The following COL26A1 variants were observed in gnomAD, a reference collection of about 807,000 sequenced individuals.
COL26A1 encodes collagen type XXVI alpha 1 chain, also known as collagen alpha-1(XXVI) chain.
In COL26A1, 41 loss-of-function variants were observed where a neutral mutation model predicts 59.3. The observed-to-expected ratio is 0.69, with a 90% CI of 0.54 to 0.90. The LOEUF is 0.90. COL26A1 is among the 40% of genes least tolerant of loss of function. COL26A1 has a pLI of 0.00. For synonymous variants in COL26A1, 266 were observed against 256.0 expected, an observed-to-expected ratio of 1.04 and a Z score of -0.37; for missense variants, 612 against 602.3, an observed-to-expected ratio of 1.02 and a Z score of -0.17.
intron 10 of COL26A1, 110 bp from the exon 11 acceptor site, chr7:101,553,216 C>T (rs1795896760): frequency 1.0e-6 from 1 of 987,362 alleles, no homozygotes. Context: ...TTCCCAGGCC[C>T]TGCCTGCCCA....
At chr7:101,525,992 T>C (rs1795239486) in intron 3 of COL26A1, among the ~76,000 whole-genome samples, 4 of 152,186 alleles carry the variant, frequency 2.6e-5, no homozygotes, top group Admixed American at 2.6e-4. Flanking sequence ...GCCCTCCTAT[T>C]GGCCATGGTA....
At chr7:101,531,049 C>G (rs1795357637) in intron 3 of COL26A1, among the ~76,000 whole-genome samples, 1 of 151,938 alleles carries the variant, frequency 6.6e-6, no homozygotes, top group Non-Finnish European at 1.5e-5. Flanking sequence ...CGGCTCACTG[C>G]AAGCTCTGCC....
At chr7:101,450,748 ATATGAATATGAATTCCATAGTC>A (rs1166666550) in intron 3 of COL26A1, among the ~76,000 whole-genome samples, 6 of 100,632 alleles carry the variant, frequency 6.0e-5, no homozygotes, top group African/African-American at 4.0e-4. Context: ...TCCATATTCT[ATATGAATATGAATTCCATAGTC>A]TATATGAATA....
At chr7:101,367,983 C>T (rs1284561464) in intron 1 of COL26A1, among the ~76,000 whole-genome samples, 1 of 96,816 alleles carries the variant, frequency 1.0e-5, no homozygotes, top group Admixed American at 8.5e-5. Context: ...AAGTCTCCTC[C>T]ACTGTCTCCC....
chr7:101,368,810 C>T (rs1429141468), intron 1 of COL26A1, among the ~76,000 whole-genome samples: 2 of 151,696 alleles, frequency 1.3e-5, no homozygotes, highest in Non-Finnish European at 2.9e-5. Flanking sequence ...CAAAGTAGTA[C>T]TATAATTTTG....
chr7:101,381,191 T>C (rs935671345), intron 1 of COL26A1, among the ~76,000 whole-genome samples: 1 of 152,216 alleles, frequency 6.6e-6, no homozygotes, highest in African/African-American at 2.4e-5. Flanking sequence ...TTGGAGGCTC[T>C]GGGAAAGAAC....
At position 101,549,168 on chromosome 7, in the gene COL26A1, CAGGTCCCCCTGGGCCTCG is replaced by C. The variant is rs775208055; in HGVS notation, c.948_965del (p.Arg319_Pro324del). The C allele has an allele frequency of 2.5e-6, 4 of 1,580,352 alleles. No individual in the cohort carries two copies. Among genetic ancestry groups the C allele is most frequent in the South Asian group, 2.3e-5 (2 of 87,274 alleles). ...AGGTGACCATCTGTGACTCTGCCCA[CAGGTCCCCCTGGGCCTCG>C]AGGTCCCCCAGGACCCCCAGGAACA... is the stretch of plus-strand genomic sequence containing the variant. On this transcript the variant is annotated splice_acceptor_variant and coding_sequence_variant, in exon 9 of 13. Transcript: ENST00000313669. LOFTEE classifies it high-confidence loss of function.
At chr7:101,449,287 A>C (rs1446905078) in intron 3 of COL26A1, among the ~76,000 whole-genome samples, 1 of 152,190 alleles carries the variant, frequency 6.6e-6, no homozygotes, top group Non-Finnish European at 1.5e-5. Flanking sequence ...TGAGCCCTTC[A>C]ATGCCAGGAC....
At chr7:101,455,979 C>A (rs11767885) in intron 3 of COL26A1, among the ~76,000 whole-genome samples, 3,870 of 152,166 alleles carry the variant, frequency 0.025, 80 homozygotes, top group Middle Eastern at 0.065. Flanking sequence ...AGCCACTGCA[C>A]CTGGCCTGGT....
At chr7:101,370,419 G>A (rs993185073) in intron 1 of COL26A1, among the ~76,000 whole-genome samples, 1 of 152,172 alleles carries the variant, frequency 6.6e-6, no homozygotes, top group East Asian at 1.9e-4. Context: ...TGCCCAGGCT[G>A]GAGTGCAGTG....
intron 1 of COL26A1, among the ~76,000 whole-genome samples, chr7:101,397,963 A>G (rs57634781): frequency 0.03 from 4,576 of 152,296 alleles, 239 homozygotes; most frequent in African/African-American, 0.1. Context: ...GTGCCCAGGT[A>G]GGCCCCCTAG....
chr7:101,398,440 G>C (rs1173172440), intron 1 of COL26A1, among the ~76,000 whole-genome samples: 2 of 152,050 alleles, frequency 1.3e-5, no homozygotes, highest in Non-Finnish European at 2.9e-5. Context: ...GAGCTTTCTC[G>C]GCAACCAAGT....
intron 3 of COL26A1, among the ~76,000 whole-genome samples, chr7:101,490,572 A>G (rs955143600): frequency 1.3e-5 from 2 of 151,826 alleles, no homozygotes; most frequent in African/African-American, 4.8e-5. Context: ...ATGGTGGCAC[A>G]AGCCTGTAAT....
intron 3 of COL26A1, among the ~76,000 whole-genome samples, chr7:101,466,839 A>T (rs62464285): frequency 0.064 from 2,140 of 33,404 alleles, 28 homozygotes; most frequent in Middle Eastern, 0.15. Context: ...TGTGTGTGTG[A>T]GAGAGAGAGA....
intron 1 of COL26A1, among the ~76,000 whole-genome samples, chr7:101,394,839 T>G (rs1355302087): frequency 1.3e-5 from 2 of 151,492 alleles, no homozygotes; most frequent in Non-Finnish European, 1.5e-5. Flanking sequence ...GCTGTAGATT[T>G]GTTTCCATAA....
chr7:101,457,893 A>C (rs757234623), intron 3 of COL26A1, among the ~76,000 whole-genome samples: 16 of 126,324 alleles, frequency 1.3e-4, no homozygotes, highest in Middle Eastern at 4.8e-3. Flanking sequence ...GTATAGCTTA[A>C]CTTTTTTTTT....
chr7:101,444,754 C>G (rs1340815820), intron 2 of COL26A1, among the ~76,000 whole-genome samples: 1 of 151,370 alleles, frequency 6.6e-6, no homozygotes, highest in African/African-American at 2.4e-5. Flanking sequence ...GTTCAGTGTT[C>G]AGGACACTTT....
At chr7:101,443,042 G>A (rs556974335) in intron 2 of COL26A1, among the ~76,000 whole-genome samples, 1 of 152,248 alleles carries the variant, frequency 6.6e-6, no homozygotes, top group African/African-American at 2.4e-5. Flanking sequence ...TCCTCACATG[G>A]GTATGTGAAT....
At chr7:101,486,188 T>TAGTCTCAGATTCTCTG (rs1794264841) in intron 3 of COL26A1, among the ~76,000 whole-genome samples, 1 of 148,420 alleles carries the variant, frequency 6.7e-6, no homozygotes, top group African/African-American at 2.5e-5. Context: ...AAAAAAAAAG[T>TAGTCTCAGATTCTCTG]AGTCTCAGAT....
Sources: gnomAD v4.1 joint callset for allele counts (sites outside exome capture counted in the v4.1 genomes callset) on GRCh38, gnomAD v4.1.1 for gene constraint, MANE v1.5 for transcripts, NCBI Gene and HGNC (gene_info 2026-07-23, HGNC 2026-07-21) for gene names.